GPR157: variants seen among roughly 807,000 people sequenced by gnomAD.
GPR157 encodes G-protein coupled receptor 157.
A neutral mutation model predicts 23.5 loss-of-function variants in GPR157; 16 were observed. That is an observed-to-expected ratio of 0.68 (90% CI 0.46 to 1.04). The LOEUF is 1.04. GPR157 is among the 50% of genes least tolerant of loss of function. The probability of loss-of-function intolerance (pLI) is 0.00; values close to 1 mark genes in which losing one functional copy is unlikely to be tolerated. For synonymous variants in GPR157, 200 were observed against 221.5 expected, an observed-to-expected ratio of 0.90 and a Z score of 0.86; for missense variants, 440 against 460.7, an observed-to-expected ratio of 0.96 and a Z score of 0.41.
chr1:9,117,716 C>T (rs1412978632), intron 1 of GPR157, among the ~76,000 whole-genome samples: 9 of 152,140 alleles, frequency 5.9e-5, no homozygotes, highest in South Asian at 2.1e-4. Context: ...AAACTGAGAT[C>T]GCGCCACTGT....
intron 3 of GPR157, among the ~76,000 whole-genome samples, 158 bp from the exon 4 acceptor site, chr1:9,104,792 G>C (rs533262554): frequency 1.3e-5 from 2 of 152,138 alleles, no homozygotes; most frequent in South Asian, 4.2e-4. Context: ...CTTGAGGTCA[G>C]GAGTTGAAGA....
intron 1 of GPR157, among the ~76,000 whole-genome samples, chr1:9,116,320 A>T (rs1237497736): frequency 3.2e-5 from 1 of 31,398 alleles, no homozygotes; most frequent in Non-Finnish European, 4.6e-5. Context: ...TATATATAAT[A>T]TATATAAATT....
chr1:9,120,288 C>A lies in GPR157; in HGVS notation c.383+8357G>T, dbSNP rs925634631. Among the ~76,000 whole-genome samples the A allele has an allele frequency of 5.3e-5, 8 of 152,294 alleles. No individual in the cohort carries two copies. The highest frequency in any genetic ancestry group is 1.2e-4 in the Non-Finnish European group (8 of 68,022). ...CCTTTTCCCCACCCCAAACTTCATC[C>A]TTCCTACAGATCTCTGGGGGCTGGC... On this transcript the variant is annotated intron_variant, in intron 1 of 3. Coordinates refer to ENST00000377411, the MANE Select transcript of GPR157 (RefSeq NM_024980.5). The surrounding 1 kb of genome is among the most constrained non-coding windows in gnomAD (Gnocchi z 4.1).
rs1642605355 is a variant in GPR157 at position 9,104,210 on chromosome 1, G to T, written c.*209C>A. The T allele has an allele frequency of 3.5e-6, 2 of 574,652 alleles. No individual in the cohort carries two copies. Among genetic ancestry groups the T allele is most frequent in the African/African-American group, 3.7e-5 (2 of 53,476 alleles). 35.6% of individuals were successfully genotyped at this position (574,652 alleles called of 1,614,324 possible). ...AGATGAACGCCCACCCGTGGGCCAG[G>T]ACGCTGGTACCGGTGGAACTTGCTG... is the stretch of plus-strand genomic sequence containing the variant. On this transcript the variant is annotated 3_prime_UTR_variant, in exon 4 of 4. Transcript: ENST00000377411.
Position 9,128,815 on chromosome 1 carries a change from G to T in GPR157, c.213C>A (p.Asn71Lys), listed in dbSNP as rs1390657832. 1 of 1,610,326 alleles carries T rather than the reference G, an allele frequency of 6.2e-7. No individual in the cohort carries two copies. Among genetic ancestry groups the T allele is most frequent in the East Asian group, 2.2e-5 (1 of 44,784 alleles). Reference sequence around the variant, plus strand: ...CGCAGTCCCACGACGGGCCCGCGAAGTTCTGCAGCACTCCGTAGAAGTAGG... The same window carrying T: ...CGCAGTCCCACGACGGGCCCGCGAATTTCTGCAGCACTCCGTAGAAGTAGG... ...AASYFYGVLQ[N>K]FAGPSWDCVL... is the part of the protein sequence containing the mutation. Residue 71 changes from asparagine to lysine, a missense_variant, in exon 1 of 4, where the codon AAC (asparagine) becomes AAA (lysine). Coordinates refer to ENST00000377411, the MANE Select transcript of GPR157 (RefSeq NM_024980.5). This position sits in a 1 kb window ranked among gnomAD's most constrained non-coding sequence, Gnocchi z 6.3.
intron 2 of GPR157, among the ~76,000 whole-genome samples, chr1:9,107,283 G>A (rs1217130182): frequency 1.3e-5 from 2 of 152,172 alleles, no homozygotes; most frequent in Admixed American, 1.3e-4. Context: ...GAGGAAGGAG[G>A]AGATTCCTTC....
At position 9,100,488 on chromosome 1, in the gene GPR157, G is replaced by C. The variant is rs1642553535; in HGVS notation, c.*3931C>G. 1 of 152,102 alleles carries C rather than the reference G, an allele frequency of 6.6e-6. No individual in the cohort carries two copies. The highest frequency in any genetic ancestry group is 1.5e-5 in the Non-Finnish European group (1 of 68,018). 9.4% of individuals were successfully genotyped at this position (152,102 alleles called of 1,614,324 possible). On this transcript the variant is annotated 3_prime_UTR_variant, in exon 4 of 4. Coordinates refer to ENST00000377411, the MANE Select transcript of GPR157 (RefSeq NM_024980.5). ...AGAGTTCTGTTTGCACCCTCAGCCT[G>C]GGCCAAATAATCATCTTTATTTAAA...
chr1:9,113,956 AACACACACACAC>A (rs35650719), intron 1 of GPR157, among the ~76,000 whole-genome samples: 3,013 of 121,870 alleles, frequency 0.025, 150 homozygotes, highest in East Asian at 0.19. Context: ...AAAAAAACCA[AACACACACACAC>A]ACACACACAC....
rs1313188570 is a variant in GPR157 at position 9,123,804 on chromosome 1, A to ATTAAATATATATTTAATATTATATATATT, written c.383+4840_383+4841insAATATATATAATATTAAATATATATTTAA. 1.6e-5 allele frequency among the ~76,000 whole-genome samples: 2 copies of ATTAAATATATATTTAATATTATATATATT among 126,092 alleles called. 1 individual carries two copies. The highest frequency in any genetic ancestry group is 3.2e-5 in the Non-Finnish European group (2 of 62,064). 82.7% of individuals were successfully genotyped at this position (126,092 alleles called of 152,430 possible). A position where few individuals can be genotyped will look rare whatever the true frequency, so the allele number is the denominator to read the frequency against. On this transcript the variant is annotated intron_variant, in intron 1 of 3. Transcript: ENST00000377411. ...AATATATATTTAATATTATATATAT[A>ATTAAATATATATTTAATATTATATATATT]TAATATTAAATATATATACAAATAT...
Position 9,128,135 on chromosome 1 carries a change from A to G in GPR157, c.383+510T>C. The G allele has an allele frequency of 5.4e-6, 2 of 371,902 alleles. No individual in the cohort carries two copies. Among genetic ancestry groups the G allele is most frequent in the South Asian group, 4.0e-5 (2 of 50,612 alleles). The allele number at this position is 371,902 out of a possible 1,614,324, so 23.0% of individuals were successfully genotyped here. ...AACGACCAAAGACAGAATAAAAAGC[A>G]CAGTCCTTTGTAAACTGTACAGCAG... is the stretch of plus-strand genomic sequence containing the variant. On this transcript the variant is annotated intron_variant, in intron 1 of 3. Coordinates refer to ENST00000377411, the MANE Select transcript of GPR157 (RefSeq NM_024980.5). This position sits in a 1 kb window ranked among gnomAD's most constrained non-coding sequence, Gnocchi z 6.3.
At chr1:9,117,843 C>A (rs189209396) in intron 1 of GPR157, among the ~76,000 whole-genome samples, 1 of 152,274 alleles carries the variant, frequency 6.6e-6, no homozygotes, top group East Asian at 1.9e-4. Flanking sequence ...TAACACCTAA[C>A]AGTTTTTCCC....
rs1435240315 is a variant in GPR157, at chr1:9,105,916, T to G, written c.598-236A>C. 6.6e-6 allele frequency among the ~76,000 whole-genome samples: 1 copy of G among 151,986 alleles called. No homozygotes were observed. The highest frequency in any genetic ancestry group is 2.4e-5 in the African/African-American group (1 of 41,354). On this transcript the variant is annotated intron_variant, in intron 2 of 3. Coordinates refer to ENST00000377411, the MANE Select transcript of GPR157 (RefSeq NM_024980.5). This position sits in a 1 kb window ranked among gnomAD's most constrained non-coding sequence, Gnocchi z 4.8. ...GCTCACATCCAAGACAGAAGATGGA[T>G]CTTGACCCCTGAGGCCAATGCTCCC... is the stretch of plus-strand genomic sequence containing the variant.
chr1:9,128,953 G>C lies in GPR157; in HGVS notation c.75C>G (p.Ser25=). The part of the protein sequence containing the change: ...RAVVLLSCAL[S]ALGSGLLVAT... ...CCACCAGCAGGCCCGAGCCGAGCGC[G>C]GAGAGTGCGCACGACAGCAGCACCA... Residue 25 remains serine (S), a synonymous_variant, in exon 1 of 4, where the codon TCC becomes TCG. Coordinates refer to ENST00000377411, the MANE Select transcript of GPR157 (RefSeq NM_024980.5). The surrounding 1 kb of genome is among the most constrained non-coding windows in gnomAD (Gnocchi z 6.3). 1 of 1,500,676 alleles carries C rather than the reference G, an allele frequency of 6.7e-7. No homozygotes were observed. The highest frequency in any genetic ancestry group is 8.9e-7 in the Non-Finnish European group (1 of 1,127,076). The allele number at this position is 1,500,676 out of a possible 1,614,324, so 93.0% of individuals were successfully genotyped here. A position where few individuals can be genotyped will look rare whatever the true frequency, so the allele number is the denominator to read the frequency against.
chr1:9,113,308 T>C (rs1638554785), intron 1 of GPR157, among the ~76,000 whole-genome samples: 1 of 152,170 alleles, frequency 6.6e-6, no homozygotes, highest in Non-Finnish European at 1.5e-5. Flanking sequence ...GATACTATGA[T>C]AACTGTGAGA....
At chr1:9,117,063 T>A (rs1013259766) in intron 1 of GPR157, among the ~76,000 whole-genome samples, 1 of 152,086 alleles carries the variant, frequency 6.6e-6, no homozygotes, top group African/African-American at 2.4e-5. Flanking sequence ...AAATGGGATC[T>A]CACTATGTTT....
At position 9,124,696 on chromosome 1, in the gene GPR157, A is replaced by T. The variant is rs369430205; in HGVS notation, c.383+3949T>A. ...CTAGCTTCACCTCCCGTTGCTATGG[A>T]TTGTTTGTAACCAGCTTTTGCTGCA... On this transcript the variant is annotated intron_variant, in intron 1 of 3. Transcript: ENST00000377411. 5.9e-5 allele frequency among the ~76,000 whole-genome samples: 9 copies of T among 152,192 alleles called. 1 individual carries two copies. In the East Asian group the frequency reaches 1.7e-3, roughly 29 times the overall value.
chr1:9,128,139 T>C lies in GPR157; in HGVS notation c.383+506A>G, dbSNP rs1639004071. 2.7e-6 allele frequency: 1 copy of C among 374,802 alleles called. No individual in the cohort carries two copies. The highest frequency in any genetic ancestry group is 5.3e-6 in the Non-Finnish European group (1 of 188,584). The allele number at this position is 374,802 out of a possible 1,614,324, so 23.2% of individuals were successfully genotyped here. Reference sequence around the variant, plus strand: ...ACCAAAGACAGAATAAAAAGCACAGTCCTTTGTAAACTGTACAGCAGAGAC... The same window carrying C: ...ACCAAAGACAGAATAAAAAGCACAGCCCTTTGTAAACTGTACAGCAGAGAC... On this transcript the variant is annotated intron_variant, in intron 1 of 3. Coordinates refer to ENST00000377411, the MANE Select transcript of GPR157 (RefSeq NM_024980.5). This position sits in a 1 kb window ranked among gnomAD's most constrained non-coding sequence, Gnocchi z 6.3.
chr1:9,106,772 T>C (rs1255371450), intron 2 of GPR157, among the ~76,000 whole-genome samples: 1 of 152,218 alleles, frequency 6.6e-6, no homozygotes, highest in Non-Finnish European at 1.5e-5. Context: ...GAGACCAGAC[T>C]GGCCAACATG....
chr1:9,117,342 GA>G (rs1638703892), intron 1 of GPR157, among the ~76,000 whole-genome samples: 1 of 152,196 alleles, frequency 6.6e-6, no homozygotes. Context: ...GGAACTCTCA[GA>G]AGGATAAACA....
Sources: gnomAD v4.1 joint callset for allele counts (sites outside exome capture counted in the v4.1 genomes callset) on GRCh38, gnomAD v4.1.1 for gene constraint, Gnocchi (gnomAD v3.1) non-coding constraint, MANE v1.5 for transcripts, NCBI Gene and HGNC (gene_info 2026-07-23, HGNC 2026-07-21) for gene names.